PDE2A: variants seen among roughly 807,000 people sequenced by gnomAD.
PDE2A encodes the protein phosphodiesterase 2A, also known as cGMP-dependent 3',5'-cyclic phosphodiesterase.
In PDE2A, 53 loss-of-function variants were observed where a neutral mutation model predicts 133.6. The ratio of observed to expected loss-of-function variants is 0.40; its 90% CI spans 0.32 to 0.50. The LOEUF (loss-of-function observed/expected upper bound fraction) is 0.50, where lower values mean the gene tolerates loss of function less well. Ranked by LOEUF, PDE2A falls within the 20% of genes least tolerant of loss-of-function variation. PDE2A has a pLI of 0.73. For synonymous variants in PDE2A, 491 were observed against 490.2 expected (o/e 1.00, Z -0.02); for missense variants, 796 against 1,232.4 (o/e 0.65, Z 5.30).
Position 72,577,566 on chromosome 11 carries a change from C to T in PDE2A, c.2644G>A (p.Ala882Thr). The stretch of plus-strand genomic sequence containing the variant: ...GAGGCCACGCGCTCGTACAGCTCTG[C>T]CGCTTTGGGGAACAGGTCCTGCAAC... ...KLLQDLFPKA[A>T]ELYERVASNR... Residue 882 changes from alanine to threonine, a missense_variant, in exon 31 of 31, where the codon GCA becomes ACA. Coordinates refer to ENST00000334456, the MANE Select transcript of PDE2A (RefSeq NM_002599.5). The T allele has an allele frequency of 6.2e-7, 1 of 1,604,526 alleles. No individual in the cohort carries two copies. Among genetic ancestry groups the T allele is most frequent in the Non-Finnish European group, 8.5e-7 (1 of 1,179,838 alleles).
intron 1 of PDE2A, among the ~76,000 whole-genome samples, chr11:72,660,903 G>T (rs1038568150): frequency 2.6e-5 from 4 of 152,076 alleles, no homozygotes; most frequent in African/African-American, 9.7e-5. Flanking sequence ...GCTCTGGGAA[G>T]GAGGGAACTG....
chr11:72,628,003 A>T (rs1308756036), intron 2 of PDE2A, among the ~76,000 whole-genome samples: 2 of 152,332 alleles, frequency 1.3e-5, no homozygotes, highest in East Asian at 1.9e-4. Context: ...TGTGCTGAAC[A>T]CACGCCTGCT....
intron 1 of PDE2A, among the ~76,000 whole-genome samples, chr11:72,652,176 A>G (rs1242721900): frequency 6.6e-6 from 1 of 152,208 alleles, no homozygotes; most frequent in Admixed American, 6.5e-5. Context: ...CAGCAGCCCC[A>G]AATGCTAGAG....
At chr11:72,592,214 A>C (rs967455165) in intron 6 of PDE2A, among the ~76,000 whole-genome samples, 12 of 152,236 alleles carry the variant, frequency 7.9e-5, no homozygotes, top group African/African-American at 2.6e-4. Context: ...GACCCACTAC[A>C]GGCCCTGCCA....
At chr11:72,584,436 A>C (rs1855867073) in intron 18 of PDE2A, 115 bp downstream of exon 18, 1 of 1,328,244 alleles carries the variant, frequency 7.5e-7, no homozygotes, top group Non-Finnish European at 1.1e-6. Context: ...ATGGAACCCG[A>C]CTCCCTTATG....
intron 1 of PDE2A, among the ~76,000 whole-genome samples, chr11:72,657,106 G>A: frequency 6.6e-6 from 1 of 152,070 alleles, no homozygotes. Context: ...CACTCATCAG[G>A]GTCAGCAGCC....
chr11:72,582,163 G>A, intron 21 of PDE2A: 1 of 610,264 alleles, frequency 1.6e-6, no homozygotes, highest in South Asian at 2.0e-5. Flanking sequence ...CACACAAAAT[G>A]TTAGAAAAAC....
At chr11:72,595,392 C>T (rs1348300162) in intron 6 of PDE2A, among the ~76,000 whole-genome samples, 1 of 152,096 alleles carries the variant, frequency 6.6e-6, no homozygotes, top group African/African-American at 2.4e-5. Flanking sequence ...GAACTCCGTG[C>T]AACAGCAGCT....
At chr11:72,624,567 C>T (rs984944598) in intron 2 of PDE2A, among the ~76,000 whole-genome samples, 1 of 152,190 alleles carries the variant, frequency 6.6e-6, no homozygotes. Context: ...GTGTCAGACA[C>T]TCGAGCCACA....
chr11:72,591,493 C>T, intron 6 of PDE2A, 137 bp from the exon 7 acceptor site: 1 of 678,092 alleles, frequency 1.5e-6, no homozygotes, highest in Middle Eastern at 2.9e-4. Flanking sequence ...AGTGATAACC[C>T]CATCTTTCTG....
At chr11:72,589,629 A>G (rs919225572) in intron 11 of PDE2A, 122 bp downstream of exon 11, 18 of 833,570 alleles carry the variant, frequency 2.2e-5, no homozygotes, top group Non-Finnish European at 3.4e-5. Context: ...CCCAAGATCC[A>G]GATAATTCCA....
At chr11:72,650,019 CTTTTTTTT>C (rs746774086) in intron 1 of PDE2A, among the ~76,000 whole-genome samples, 3 of 129,122 alleles carry the variant, frequency 2.3e-5, no homozygotes, top group Non-Finnish European at 3.3e-5. Context: ...AGCCCTGAGA[CTTTTTTTT>C]TTTTTTTTTT....
At chr11:72,595,594 C>T (rs1401303393) in intron 6 of PDE2A, among the ~76,000 whole-genome samples, 2 of 151,932 alleles carry the variant, frequency 1.3e-5, no homozygotes, top group Admixed American at 1.3e-4. Flanking sequence ...AAAGGTCAGG[C>T]GCCTGGGAAG....
intron 1 of PDE2A, among the ~76,000 whole-genome samples, chr11:72,644,594 A>C (rs893197197): frequency 9.2e-5 from 14 of 152,156 alleles, no homozygotes; most frequent in African/African-American, 3.4e-4. Context: ...GGCCAGAGTT[A>C]CTTGTTCTTC....
At position 72,590,262 on chromosome 11, in the gene PDE2A, C is replaced by G. The variant is rs1475822427; in HGVS notation, c.704-18G>C. 3.2e-6 allele frequency: 5 copies of G among 1,550,982 alleles called. No individual in the cohort carries two copies. The South Asian group carries it at 3.6e-5, about 11-fold the overall frequency. ...GAGTTCCCCTGCAAGGGCCAGGCGC[C>G]GGTCAGAGAGAGGGCCCCTCCGCAC... is the stretch of plus-strand genomic sequence containing the variant. On this transcript the variant is annotated intron_variant, in intron 8 of 30. Coordinates refer to ENST00000334456, the MANE Select transcript of PDE2A (RefSeq NM_002599.5). The surrounding 1 kb of genome is among the most constrained non-coding windows in gnomAD (Gnocchi z 4.8).
intron 1 of PDE2A, among the ~76,000 whole-genome samples, chr11:72,646,397 A>G (rs890596919): frequency 3.3e-5 from 5 of 152,220 alleles, no homozygotes; most frequent in Non-Finnish European, 5.9e-5. Context: ...CATTAGCCCC[A>G]TTTTACAAAT....
Position 72,605,125 on chromosome 11 carries a change from G to A in PDE2A, c.323+13C>T. 1.3e-6 allele frequency: 2 copies of A among 1,581,706 alleles called. No individual in the cohort carries two copies. The highest frequency in any genetic ancestry group is 1.7e-6 in the Non-Finnish European group (2 of 1,153,484). On this transcript the variant is annotated intron_variant, in intron 4 of 30. Coordinates refer to ENST00000334456, the MANE Select transcript of PDE2A (RefSeq NM_002599.5). ...CATGCAAGAGGGCAATGGGGGTGCA[G>A]AGAATGGCTCACCGGACTTTCCCCT...
chr11:72,651,473 G>T (rs932519611), intron 1 of PDE2A, among the ~76,000 whole-genome samples: 1 of 152,156 alleles, frequency 6.6e-6, no homozygotes, highest in African/African-American at 2.4e-5. Flanking sequence ...GAAGGGGCAC[G>T]CAGGGAGAGG....
chr11:72,655,528 T>C (rs531821835), intron 1 of PDE2A, among the ~76,000 whole-genome samples: 100 of 151,602 alleles, frequency 6.6e-4, no homozygotes, highest in African/African-American at 2.3e-3. Flanking sequence ...TGTGTGCATG[T>C]GTGTGTGTGT....
Sources: allele counts gnomAD v4.1 joint callset (sites outside exome capture counted in the v4.1 genomes callset), GRCh38; gene constraint gnomAD v4.1.1; non-coding constraint Gnocchi (gnomAD v3.1); transcripts MANE v1.5; gene names NCBI Gene and HGNC (gene_info 2026-07-23, HGNC 2026-07-21).